Variants in DRC11 observed in about 807,000 individuals in gnomAD.
DRC11 encodes dynein regulatory complex subunit 11.
At chr2:236,401,280 G>A in the DRC11 span, among the ~76,000 whole-genome samples, 28 of 152,184 alleles carry the variant, frequency 1.8e-4, no homozygotes, top group South Asian at 2.7e-3. This position sits in a 1 kb window ranked among gnomAD's most constrained non-coding sequence, Gnocchi z 4.6. Context: ...TGTCCTGTCC[G>A]CTTGGAAGGC....
chr2:236,357,117 ATATTATATATTC>A, the DRC11 span, among the ~76,000 whole-genome samples: 3 of 97,894 alleles, frequency 3.1e-5, no homozygotes, highest in East Asian at 6.5e-4. Context: ...ATATATCTAT[ATATTATATATTC>A]GTATATTATA....
the DRC11 span, chr2:236,380,712 C>T: frequency 8.0e-6 from 9 of 1,122,610 alleles, no homozygotes; most frequent in South Asian, 5.3e-5. The surrounding 1 kb of genome is among the most constrained non-coding windows in gnomAD (Gnocchi z 4.9). Context: ...TAGCTAAGCA[C>T]GTTGTTTTCT....
At chr2:236,355,462 C>T in the DRC11 span, among the ~76,000 whole-genome samples, 6 of 152,330 alleles carry the variant, frequency 3.9e-5, no homozygotes, top group East Asian at 3.9e-4. Flanking sequence ...TGCGTCCGCA[C>T]GCAGTGGAAG....
At chr2:236,342,127 C>A in the DRC11 span, among the ~76,000 whole-genome samples, 3 of 152,196 alleles carry the variant, frequency 2.0e-5, no homozygotes. The surrounding 1 kb of genome is among the most constrained non-coding windows in gnomAD (Gnocchi z 5.8). Context: ...AGGGTGCATT[C>A]AGTCACTGGA....
the DRC11 span, among the ~76,000 whole-genome samples, chr2:236,481,906 A>G: frequency 6.7e-6 from 1 of 149,396 alleles, no homozygotes. Flanking sequence ...GTAGAATTCT[A>G]TGTATAATTC....
the DRC11 span, among the ~76,000 whole-genome samples, chr2:236,380,070 G>T: frequency 8.3e-4 from 126 of 152,236 alleles, no homozygotes; most frequent in Non-Finnish European, 5.9e-4. The surrounding 1 kb of genome is among the most constrained non-coding windows in gnomAD (Gnocchi z 4.9). Context: ...GTACTTTCAG[G>T]CCACTTCAAG....
chr2:236,386,505 G>A, the DRC11 span, among the ~76,000 whole-genome samples: 1 of 152,010 alleles, frequency 6.6e-6, no homozygotes, highest in East Asian at 1.9e-4. Flanking sequence ...GATCGGTGGT[G>A]ATATCCCCTT....
chr2:236,359,140 G>T, the DRC11 span, among the ~76,000 whole-genome samples: 22 of 151,994 alleles, frequency 1.4e-4, 1 homozygote, highest in Admixed American at 1.4e-3. The surrounding 1 kb of genome is among the most constrained non-coding windows in gnomAD (Gnocchi z 4.3). Context: ...CCTGGATCTG[G>T]GTCGAGGGTC....
At chr2:236,334,108 G>A in the DRC11 span, among the ~76,000 whole-genome samples, 1 of 152,208 alleles carries the variant, frequency 6.6e-6, no homozygotes, top group African/African-American at 2.4e-5. This position sits in a 1 kb window ranked among gnomAD's most constrained non-coding sequence, Gnocchi z 7.8. Flanking sequence ...CCCAGCTGTG[G>A]TGGGACCTGC....
the DRC11 span, among the ~76,000 whole-genome samples, chr2:236,416,583 C>T: frequency 3.6e-3 from 550 of 151,054 alleles, 8 homozygotes; most frequent in African/African-American, 0.013. Flanking sequence ...TGGAGGCAGA[C>T]GGAAGAACCA....
the DRC11 span, among the ~76,000 whole-genome samples, chr2:236,422,821 C>G: frequency 2.6e-5 from 4 of 151,670 alleles, no homozygotes; most frequent in Admixed American, 1.3e-4. Context: ...GCTACAGTAA[C>G]CAAAACAGCA....
the DRC11 span, among the ~76,000 whole-genome samples, chr2:236,406,822 T>C: frequency 6.6e-6 from 1 of 151,940 alleles, no homozygotes; most frequent in African/African-American, 2.4e-5. The surrounding 1 kb of genome is among the most constrained non-coding windows in gnomAD (Gnocchi z 4.7). Context: ...CTCGGCTCAC[T>C]GCAAGCTCTG....
At chr2:236,388,486 T>C in the DRC11 span, among the ~76,000 whole-genome samples, 2 of 152,004 alleles carry the variant, frequency 1.3e-5, no homozygotes, top group African/African-American at 2.4e-5. Context: ...CTTCACGTAG[T>C]TCTCGAGCCT....
chr2:236,443,344 C>T, the DRC11 span, among the ~76,000 whole-genome samples: 1 of 152,070 alleles, frequency 6.6e-6, no homozygotes, highest in African/African-American at 2.4e-5. This position sits in a 1 kb window ranked among gnomAD's most constrained non-coding sequence, Gnocchi z 4.4. Flanking sequence ...CCCGCAACAC[C>T]CCTGCCCCAA....
chr2:236,311,693 G>GGTGTGTGT, the DRC11 span, among the ~76,000 whole-genome samples: 1 of 136,376 alleles, frequency 7.3e-6, no homozygotes, highest in African/African-American at 3.2e-5. This position sits in a 1 kb window ranked among gnomAD's most constrained non-coding sequence, Gnocchi z 6.9. Flanking sequence ...AGCTGGATGG[G>GGTGTGTGT]GTGCGTGTGT....
At chr2:236,343,857 A>T in the DRC11 span, 1 of 701,632 alleles carries the variant, frequency 1.4e-6, no homozygotes, top group Non-Finnish European at 2.3e-6. This position sits in a 1 kb window ranked among gnomAD's most constrained non-coding sequence, Gnocchi z 6.6. Flanking sequence ...GAAAAGATTG[A>T]GCTTCCACTC....
At chr2:236,359,735 A>G in the DRC11 span, among the ~76,000 whole-genome samples, 8 of 152,062 alleles carry the variant, frequency 5.3e-5, no homozygotes, top group Admixed American at 3.9e-4. This position sits in a 1 kb window ranked among gnomAD's most constrained non-coding sequence, Gnocchi z 4.3. Context: ...AAAAGCAAAT[A>G]CCTCTTTGCA....
At chr2:236,326,132 T>A in the DRC11 span, among the ~76,000 whole-genome samples, 3 of 152,242 alleles carry the variant, frequency 2.0e-5, no homozygotes, top group Non-Finnish European at 2.9e-5. Flanking sequence ...CCCAACAATA[T>A]ATCTAGGTAT....
At chr2:236,313,941 T>A in the DRC11 span, among the ~76,000 whole-genome samples, 224 of 152,302 alleles carry the variant, frequency 1.5e-3, 1 homozygote, top group African/African-American at 5.3e-3. The surrounding 1 kb of genome is among the most constrained non-coding windows in gnomAD (Gnocchi z 4.5). Context: ...TGGTTAGAAC[T>A]GGGCAGCATG....
Sources: gnomAD v4.1 joint callset for allele counts (sites outside exome capture counted in the v4.1 genomes callset) on GRCh38, gnomAD v4.1.1 for gene constraint, Gnocchi (gnomAD v3.1) non-coding constraint, MANE v1.5 for transcripts, NCBI Gene and HGNC (gene_info 2026-07-23, HGNC 2026-07-21) for gene names.